EIF4G3: variants seen among roughly 807,000 people sequenced by gnomAD.
EIF4G3 encodes the protein eukaryotic translation initiation factor 4 gamma 3, also known as eIF-4-gamma 3.
EIF4G3 carries 34 observed loss-of-function variants against 186.4 expected under a neutral mutation model. The ratio of observed to expected loss-of-function variants is 0.18; its 90% confidence interval spans 0.14 to 0.24. The LOEUF (loss-of-function observed/expected upper bound fraction) is 0.24. Among genes scored for constraint, EIF4G3 ranks in the 10% least tolerant of loss-of-function variants. The pLI is 1.00. For missense variants in EIF4G3, 1,536 were observed against 1,948.5 expected, an observed-to-expected ratio of 0.79 and a Z score of 3.99; for synonymous variants, 673 against 679.5, an observed-to-expected ratio of 0.99 and a Z score of 0.15.
chr1:21,104,321 G>A (rs906812519), intron 2 of EIF4G3, among the ~76,000 whole-genome samples: 3 of 152,014 alleles, frequency 2.0e-5, no homozygotes, highest in Admixed American at 6.5e-5. Flanking sequence ...AACAACTTGT[G>A]GCACTTACAT....
chr1:21,145,523 CT>C, intron 2 of EIF4G3, among the ~76,000 whole-genome samples: 1 of 152,004 alleles, frequency 6.6e-6, no homozygotes. Flanking sequence ...ACTCAGGCCC[CT>C]GACTCAGTGG....
intron 2 of EIF4G3, among the ~76,000 whole-genome samples, chr1:21,154,274 C>T (rs978371209): frequency 3.9e-5 from 6 of 152,252 alleles, no homozygotes; most frequent in Admixed American, 2.6e-4. Context: ...GGAAAAACTG[C>T]TTTCAATAAC....
rs567520506 is a variant in EIF4G3, at chr1:21,123,758, T to C, written c.-271-34545A>G. ...TGCAGAGTTCCTTCCTAGATTATGA[T>C]TAAGTAAAATTCTGCCACATAGGTC... On this transcript the variant is annotated intron_variant, in intron 2 of 36. Transcript: ENST00000602326. Among the ~76,000 whole-genome samples the C allele has an allele frequency of 3.9e-5, 6 of 152,186 alleles. No individual in the cohort carries two copies. In the South Asian group the frequency reaches 1.0e-3, roughly 26 times the overall value.
At chr1:20,988,780 T>C (rs2080181263) in intron 7 of EIF4G3, among the ~76,000 whole-genome samples, 1 of 151,842 alleles carries the variant, frequency 6.6e-6, no homozygotes, top group Non-Finnish European at 1.5e-5. Flanking sequence ...GTAGTTTTGA[T>C]TTTCAAGCCT....
At chr1:20,968,684 G>A (rs891680444) in intron 12 of EIF4G3, among the ~76,000 whole-genome samples, 62 of 151,630 alleles carry the variant, frequency 4.1e-4, no homozygotes, top group Admixed American at 2.3e-3. Flanking sequence ...TTCAACCAAC[G>A]GTGGATAAAA....
chr1:20,813,180 A>G lies in EIF4G3; in HGVS notation c.4575T>C (p.Ala1525=), dbSNP rs2059604717. The G allele has an allele frequency of 1.2e-6, 2 of 1,613,308 alleles. No individual in the cohort carries two copies. Among genetic ancestry groups the G allele is most frequent in the Non-Finnish European group, 1.7e-6 (2 of 1,179,278 alleles). The change falls in exon 35 of 37, where the codon GCT becomes GCC. Residue 1525 remains alanine (A), a synonymous_variant. Transcript: ENST00000602326. ...TACCTATAATAGCTGCTTTACAAAC[A>G]GCAGTCATTAAAGCTCTAAGGAATG... is the stretch of plus-strand genomic sequence containing the variant. The part of the protein sequence containing the change: ...SPTFLRALMT[A]VCKAAIIADS...
At chr1:21,021,424 TCAGA>T (rs1262375884) in intron 4 of EIF4G3, among the ~76,000 whole-genome samples, 4 of 152,210 alleles carry the variant, frequency 2.6e-5, no homozygotes, top group Non-Finnish European at 5.9e-5. Context: ...TCACAATTTC[TCAGA>T]CAATGAGCAG....
intron 2 of EIF4G3, among the ~76,000 whole-genome samples, chr1:21,152,601 G>A (rs545671600): frequency 5.9e-5 from 9 of 152,132 alleles, no homozygotes; most frequent in Non-Finnish European, 1.3e-4. Context: ...AAGTCACAGT[G>A]AGCTGGTATC....
intron 6 of EIF4G3, among the ~76,000 whole-genome samples, chr1:20,998,508 G>A (rs1273086319): frequency 2.0e-5 from 3 of 152,132 alleles, no homozygotes; most frequent in Admixed American, 2.0e-4. Flanking sequence ...GTACTTGAAA[G>A]TGGCTAATAT....
rs537237902 is a variant in EIF4G3, at chr1:20,868,117, G to A, written c.2623-2855C>T. Among the ~76,000 whole-genome samples the A allele has an allele frequency of 1.3e-4, 3 of 22,366 alleles. No individual in the cohort carries two copies. The South Asian group carries it at 4.1e-3, about 30-fold the overall frequency. 14.7% of individuals were successfully genotyped at this position (22,366 alleles called of 152,430 possible). ...TTTTTTTTTTTTTTTGTCCTTAGGG[G>A]ATGGTAAATTTGACAGGGCTGTAAG... is the stretch of plus-strand genomic sequence containing the variant. On this transcript the variant is annotated intron_variant, in intron 20 of 36. Coordinates refer to ENST00000602326, the MANE Select transcript of EIF4G3 (RefSeq NM_001391906.1).
At chr1:20,958,028 A>T (rs2096480879) in intron 12 of EIF4G3, among the ~76,000 whole-genome samples, 1 of 152,152 alleles carries the variant, frequency 6.6e-6, no homozygotes, top group Admixed American at 6.5e-5. Context: ...GGAAAGAGAG[A>T]ATCCTCCCTA....
chr1:20,896,005 G>A (rs2087869610), intron 16 of EIF4G3, among the ~76,000 whole-genome samples: 1 of 152,132 alleles, frequency 6.6e-6, no homozygotes, highest in Non-Finnish European at 1.5e-5. Flanking sequence ...ACCTTCCAAT[G>A]AGACAAGATC....
chr1:20,979,537 T>G (rs1220476832), intron 10 of EIF4G3, among the ~76,000 whole-genome samples: 1 of 152,090 alleles, frequency 6.6e-6, no homozygotes, highest in African/African-American at 2.4e-5. Context: ...AGGAAATGTT[T>G]GGAGAAAAAG....
At chr1:20,916,522 G>C (rs1051542687) in intron 14 of EIF4G3, among the ~76,000 whole-genome samples, 6 of 151,864 alleles carry the variant, frequency 4.0e-5, no homozygotes, top group African/African-American at 1.5e-4. Context: ...ACTCAATATT[G>C]CAAGATGTCA....
At chr1:20,902,629 T>G (rs951205732) in intron 15 of EIF4G3, among the ~76,000 whole-genome samples, 2 of 152,208 alleles carry the variant, frequency 1.3e-5, no homozygotes, top group Non-Finnish European at 2.9e-5. Context: ...CTTTAGTTTT[T>G]AAAAATTTTT....
chr1:20,941,214 GCAA>G (rs140407848), intron 14 of EIF4G3: 48,285 of 1,513,330 alleles, frequency 0.032, 1,660 homozygotes, highest in East Asian at 0.19. Flanking sequence ...TGAGGCAATA[GCAA>G]CAACAACAAC....
chr1:21,071,086 C>A (rs1159502582), intron 3 of EIF4G3, among the ~76,000 whole-genome samples: 1 of 152,062 alleles, frequency 6.6e-6, no homozygotes, highest in African/African-American at 2.4e-5. Flanking sequence ...GCTTTAGTAG[C>A]CAAAATAAAT....
chr1:21,033,225 A>G (rs2092894171), intron 4 of EIF4G3, among the ~76,000 whole-genome samples: 1 of 152,222 alleles, frequency 6.6e-6, no homozygotes, highest in Admixed American at 6.5e-5. Context: ...AATGCAGGAA[A>G]AATAAATCAC....
chr1:21,132,156 T>C (rs918526365), intron 2 of EIF4G3, among the ~76,000 whole-genome samples: 1 of 152,096 alleles, frequency 6.6e-6, no homozygotes, highest in East Asian at 1.9e-4. Flanking sequence ...TCAATAAACA[T>C]AGCCAAAGTG....
Sources: allele counts gnomAD v4.1 joint callset (sites outside exome capture counted in the v4.1 genomes callset), GRCh38; gene constraint gnomAD v4.1.1; transcripts MANE v1.5; gene names NCBI Gene and HGNC (gene_info 2026-07-23, HGNC 2026-07-21).